PDGFRB: variants seen among roughly 807,000 people sequenced by gnomAD.
PDGFRB encodes the protein platelet derived growth factor receptor beta.
A neutral mutation model predicts 120.2 loss-of-function variants in PDGFRB; 42 were observed. That is an observed-to-expected ratio of 0.35 (90% CI 0.27 to 0.45). The LOEUF (loss-of-function observed/expected upper bound fraction) is 0.45. Among genes scored for constraint, PDGFRB ranks in the 20% least tolerant of loss-of-function variants. The pLI, the probability that PDGFRB is intolerant of heterozygous loss-of-function variation, is 1.00. For missense variants in PDGFRB, 1,149 were observed against 1,476.3 expected, an observed-to-expected ratio of 0.78 and a Z score of 3.63; for synonymous variants, 586 against 606.8, an observed-to-expected ratio of 0.97 and a Z score of 0.50.
intron 1 of PDGFRB, among the ~76,000 whole-genome samples, chr5:150,150,233 C>T (rs909307280): frequency 3.9e-5 from 6 of 152,162 alleles, no homozygotes; most frequent in African/African-American, 9.7e-5. Context: ...GGAACAAAGG[C>T]GAGCCCAGGT....
rs145437694 is a variant in PDGFRB at position 150,135,868 on chromosome 5, C to T, written c.51G>A (p.Leu17=). ...CCAGAAGTAACAGGAGAGACAGCAA[C>T]AGCAGCTCGCCTTTGGGAGAGGAGG... ...MPALALKGEL[L]LLSLLLLLEP... Residue 17 remains leucine (L), a synonymous_variant, in exon 3 of 23, where the codon CTG becomes CTA. Transcript: ENST00000261799. 40 of 1,525,284 alleles carry T rather than the reference C, an allele frequency of 2.6e-5. No homozygotes were observed. Among genetic ancestry groups the T allele is most frequent in the Non-Finnish European group, 3.4e-5 (39 of 1,137,592 alleles). 94.5% of individuals were successfully genotyped at this position (1,525,284 alleles called of 1,614,324 possible). A position where few individuals can be genotyped will look rare whatever the true frequency, so the allele number is the denominator to read the frequency against.
rs1240418404 is a variant in PDGFRB, at chr5:150,115,189, G to A, written c.*574C>T. On this transcript the variant is annotated 3_prime_UTR_variant, in exon 23 of 23. Transcript: ENST00000261799. ...CCCAGACCAGCTCGGGCCAGGGAAC[G>A]CAGGGACTGGCATCATAGGGAGGAG... is the stretch of plus-strand genomic sequence containing the variant. The A allele has an allele frequency of 1.7e-5, 4 of 232,854 alleles. No individual in the cohort carries two copies. Among genetic ancestry groups the A allele is most frequent in the Non-Finnish European group, 2.5e-5 (3 of 117,904 alleles). 14.4% of individuals were successfully genotyped at this position (232,854 alleles called of 1,614,324 possible).
Position 150,134,867 on chromosome 5 carries a change from G to A in PDGFRB, c.514C>T (p.Pro172Ser), listed in dbSNP as rs2113910818. Residue 172 changes from proline (P) to serine (S), a missense_variant, in exon 4 of 23, where the codon CCC becomes TCC. By Grantham distance (74) the Pro-to-Ser change is moderately conservative. This residue lies in a region of PDGFRB where 879 missense variants were observed against 1,108.6 expected (regional missense o/e 0.79). Transcript: ENST00000261799. ...EKKGDVALPV[P>S]YDHQRGFSGI... The stretch of plus-strand genomic sequence containing the variant: ...GAAAAGCCACGTTGGTGATCATAGG[G>A]GACAGGCAGTGCAACGTCCCCTTTC... 3 of 1,614,200 alleles carry A rather than the reference G, an allele frequency of 1.9e-6. No individual in the cohort carries two copies. The highest frequency in any genetic ancestry group is 2.5e-6 in the Non-Finnish European group (3 of 1,180,040).
At position 150,118,807 on chromosome 5, in the gene PDGFRB, C is replaced by T. The variant is rs55647240; in HGVS notation, c.2844G>A (p.Arg948=). 2,101 of 1,613,438 alleles carry T rather than the reference C, an allele frequency of 1.3e-3. 3 individuals are homozygous for T. Among genetic ancestry groups the T allele is most frequent in the Non-Finnish European group, 1.5e-3 (1,780 of 1,179,454 alleles). ...GCAGCACCAGCTGGGAGAAGGGGGG[C>T]CGAATCTCAAACTTCTCTTCCCAGC... ...QKCWEEKFEI[R]PPFSQLVLLL... is the part of the protein sequence containing the mutation. The change falls in exon 21 of 23, where the codon CGG becomes CGA. Residue 948 remains arginine, a synonymous_variant. Coordinates refer to ENST00000261799, the MANE Select transcript of PDGFRB (RefSeq NM_002609.4).
At chr5:150,118,672 G>T (rs1432878) in intron 21 of PDGFRB, 75 bp downstream of exon 21, 5 of 904,348 alleles carry the variant, frequency 5.5e-6, no homozygotes, top group Non-Finnish European at 9.3e-6. Flanking sequence ...AGCCCATCAC[G>T]CAGAGCCTTG....
rs961398213 is a variant in PDGFRB, at chr5:150,123,056, C to G, written c.2169G>C (p.Gly723=). The part of the protein sequence containing the change: ...AELYSNALPV[G]LPLPSHVSLT... ...CCTCCTGGTACCTGGGCAGGGGGAG[C>G]CCAACGGGCAGAGCATTGCTGTAGA... The change falls in exon 15 of 23, where the codon GGG becomes GGC. Residue 723 remains glycine (G), a synonymous_variant. Transcript: ENST00000261799. 6.2e-7 allele frequency: 1 copy of G among 1,613,066 alleles called. No individual in the cohort carries two copies. Among genetic ancestry groups the G allele is most frequent in the African/African-American group, 1.3e-5 (1 of 75,046 alleles).
chr5:150,120,818 T>C lies in PDGFRB; in HGVS notation c.2586+70A>G, dbSNP rs908276326. ...TTCCTATGAGCTGCAGCCACACTGG[T>C]CAGGAGGGAATCTGTTCCTGCGGTC... On this transcript the variant is annotated intron_variant, in intron 18 of 22. Coordinates refer to ENST00000261799, the MANE Select transcript of PDGFRB (RefSeq NM_002609.4). The surrounding 1 kb of genome is among the most constrained non-coding windows in gnomAD (Gnocchi z 4.3). 15 of 1,467,692 alleles carry C rather than the reference T, an allele frequency of 1.0e-5. No individual in the cohort carries two copies. Among genetic ancestry groups the C allele is most frequent in the Middle Eastern group, 1.7e-4 (1 of 5,796 alleles). The allele number at this position is 1,467,692 out of a possible 1,614,324, so 90.9% of individuals were successfully genotyped here.
Position 150,130,534 on chromosome 5 carries a change from C to T in PDGFRB, c.1367+5G>A, listed in dbSNP as rs751183226. On this transcript the variant is annotated splice_donor_5th_base_variant and intron_variant, in intron 9 of 22. Transcript: ENST00000261799. ...ACTGGGAGACTGAGGCCCAGGTCTGCTCACCTTTTGAGGTCTCTGCAGGCA... is the reference window on the plus strand; with the variant it reads ...ACTGGGAGACTGAGGCCCAGGTCTGTTCACCTTTTGAGGTCTCTGCAGGCA... 1.2e-5 allele frequency: 19 copies of T among 1,612,458 alleles called. No individual in the cohort carries two copies. Among genetic ancestry groups the T allele is most frequent in the Non-Finnish European group, 1.6e-5 (19 of 1,179,556 alleles).
rs1580796159 is a variant in PDGFRB, at chr5:150,121,179, T to C, written c.2463+25A>G. 1.0e-6 allele frequency: 1 copy of C among 981,172 alleles called. No individual in the cohort carries two copies. Among genetic ancestry groups the C allele is most frequent in the Non-Finnish European group, 1.6e-6 (1 of 635,986 alleles). 60.8% of individuals were successfully genotyped at this position (981,172 alleles called of 1,614,324 possible). Reference sequence around the variant, plus strand: ...TGACCCACCTCCCCACAGCCCCCACTCTGCCCCACCAACACCACACGTACG... The same window carrying C: ...TGACCCACCTCCCCACAGCCCCCACCCTGCCCCACCAACACCACACGTACG... On this transcript the variant is annotated intron_variant, in intron 17 of 22. Coordinates refer to ENST00000261799, the MANE Select transcript of PDGFRB (RefSeq NM_002609.4). The surrounding 1 kb of genome is among the most constrained non-coding windows in gnomAD (Gnocchi z 4.1).
chr5:150,133,248 C>T (rs1372242176), intron 6 of PDGFRB, among the ~76,000 whole-genome samples: 2 of 152,130 alleles, frequency 1.3e-5, no homozygotes, highest in South Asian at 2.1e-4. Flanking sequence ...TGGGGCTTCC[C>T]GGACCTGGGA....
Position 150,115,448 on chromosome 5 carries a change from G to C in PDGFRB, c.*315C>G, listed in dbSNP as rs571182536. 15 of 284,218 alleles carry C rather than the reference G, an allele frequency of 5.3e-5. No individual in the cohort carries two copies. In the South Asian group the frequency reaches 2.3e-3, roughly 43 times the overall value. 17.6% of individuals were successfully genotyped at this position (284,218 alleles called of 1,614,324 possible). On this transcript the variant is annotated 3_prime_UTR_variant, in exon 23 of 23. Transcript: ENST00000261799. Reference sequence around the variant, plus strand: ...TCTCCCCACCTGTCAGCCAGGGAGAGAATCCTAGATTCTGGGTCATCAAGC... The same window carrying C: ...TCTCCCCACCTGTCAGCCAGGGAGACAATCCTAGATTCTGGGTCATCAAGC...
Position 150,132,192 on chromosome 5 carries a change from G to A in PDGFRB, c.1128-98C>T. The A allele has an allele frequency of 1.5e-6, 1 of 666,618 alleles. No individual in the cohort carries two copies. Among genetic ancestry groups the A allele is most frequent in the South Asian group, 1.8e-5 (1 of 55,246 alleles). 41.3% of individuals were successfully genotyped at this position (666,618 alleles called of 1,614,324 possible). A position where few individuals can be genotyped will look rare whatever the true frequency, so the allele number is the denominator to read the frequency against. ...AGGAACAAGGCCCAGGGAGGGGAAG[G>A]GCTTGCCAAGGTCATCTCGGCATTG... On this transcript the variant is annotated intron_variant, in intron 7 of 22. Transcript: ENST00000261799. The surrounding 1 kb of genome is among the most constrained non-coding windows in gnomAD (Gnocchi z 5.0).
intron 1 of PDGFRB, among the ~76,000 whole-genome samples, chr5:150,138,175 G>A (rs988455895): frequency 6.6e-6 from 1 of 152,204 alleles, no homozygotes; most frequent in Non-Finnish European, 1.5e-5. Flanking sequence ...CAGAGGACAG[G>A]GGTCGCAGAG....
At chr5:150,152,441 C>A (rs1045160690) in intron 1 of PDGFRB, among the ~76,000 whole-genome samples, 10 of 152,204 alleles carry the variant, frequency 6.6e-5, no homozygotes, top group African/African-American at 2.4e-4. Flanking sequence ...CACCCCTTCC[C>A]TTCCCTCCTA....
intron 1 of PDGFRB, among the ~76,000 whole-genome samples, chr5:150,140,517 G>A (rs1368302149): frequency 6.6e-6 from 1 of 152,228 alleles, no homozygotes; most frequent in African/African-American, 2.4e-5. Flanking sequence ...CCAGGTTGTA[G>A]GCTCAGAGGC....
intron 1 of PDGFRB, among the ~76,000 whole-genome samples, chr5:150,139,529 G>A (rs1009047832): frequency 5.9e-5 from 9 of 152,100 alleles, no homozygotes; most frequent in African/African-American, 2.2e-4. Flanking sequence ...TAGTAAGCAG[G>A]AGGGGGCTAC....
intron 1 of PDGFRB, among the ~76,000 whole-genome samples, chr5:150,152,924 G>A (rs968664487): frequency 1.3e-5 from 2 of 152,212 alleles, no homozygotes; most frequent in African/African-American, 2.4e-5. Flanking sequence ...CACAGAGAAG[G>A]AGATTGAGGC....
intron 1 of PDGFRB, among the ~76,000 whole-genome samples, chr5:150,155,038 T>C (rs1477318788): frequency 1.3e-5 from 2 of 152,162 alleles, no homozygotes; most frequent in African/African-American, 4.8e-5. Flanking sequence ...CTGTGTACCC[T>C]GCCTACCTTC....
Position 150,120,302 on chromosome 5 carries a change from A to G in PDGFRB, c.2587-179T>C, listed in dbSNP as rs1356995141. Among the ~76,000 whole-genome samples, 1 of 152,144 alleles carries G rather than the reference A, an allele frequency of 6.6e-6. No homozygotes were observed. Among genetic ancestry groups the G allele is most frequent in the East Asian group, 1.9e-4 (1 of 5,184 alleles). ...CCATGTCCATCCCAGGGCTGGTCAG[A>G]GGACCAGAGGCTGTTTCCTTTCTCA... On this transcript the variant is annotated intron_variant, in intron 18 of 22. Coordinates refer to ENST00000261799, the MANE Select transcript of PDGFRB (RefSeq NM_002609.4). This position sits in a 1 kb window ranked among gnomAD's most constrained non-coding sequence, Gnocchi z 4.3.
Sources: gnomAD v4.1 joint callset for allele counts (sites outside exome capture counted in the v4.1 genomes callset) on GRCh38, gnomAD v4.1.1 for gene constraint, gnomAD v4.1.1 regional missense constraint, Gnocchi (gnomAD v3.1) non-coding constraint, MANE v1.5 for transcripts, NCBI Gene and HGNC (gene_info 2026-07-23, HGNC 2026-07-21) for gene names.